Variants in ASTN1 observed in about 807,000 individuals in gnomAD.
ASTN1 encodes the protein astrotactin-1.
ASTN1 carries 41 observed loss-of-function variants against 140.7 expected under a neutral mutation model. The ratio of observed to expected loss-of-function variants is 0.29; its 90% CI spans 0.23 to 0.38. The LOEUF is 0.38. Ranked by LOEUF, ASTN1 falls within the 10% of genes least tolerant of loss-of-function variation. The probability of loss-of-function intolerance (pLI) is 1.00; values close to 1 mark genes in which losing one functional copy is unlikely to be tolerated. For synonymous variants in ASTN1, 640 were observed against 652.2 expected, an observed-to-expected ratio of 0.98 and a Z score of 0.29; for missense variants, 1,479 against 1,678.8, an observed-to-expected ratio of 0.88 and a Z score of 2.08.
At chr1:176,992,829 C>A (rs903776376) in intron 8 of ASTN1, among the ~76,000 whole-genome samples, 2 of 152,246 alleles carry the variant, frequency 1.3e-5, no homozygotes, top group African/African-American at 4.8e-5. Context: ...TTGAACAGTG[C>A]TGTGGGTTGA....
chr1:177,076,292 A>AAAAAAG (rs1553253135), intron 1 of ASTN1, among the ~76,000 whole-genome samples: 1 of 149,664 alleles, frequency 6.7e-6, no homozygotes, highest in African/African-American at 2.5e-5. Context: ...AAAAAAAAAA[A>AAAAAAG]AAAGAAAGAA....
intron 1 of ASTN1, among the ~76,000 whole-genome samples, chr1:177,138,511 G>A (rs1682303522): frequency 6.6e-6 from 1 of 152,124 alleles, no homozygotes; most frequent in Non-Finnish European, 1.5e-5. Context: ...AGAAAGGAGA[G>A]GCTGCTGACC....
chr1:176,931,934 T>G (rs1381498259), intron 16 of ASTN1, among the ~76,000 whole-genome samples: 1 of 152,200 alleles, frequency 6.6e-6, no homozygotes, highest in Non-Finnish European at 1.5e-5. Flanking sequence ...ATACATCCTA[T>G]GTAAAGGAAG....
chr1:176,983,214 T>C (rs916812252), intron 8 of ASTN1, among the ~76,000 whole-genome samples: 2 of 152,142 alleles, frequency 1.3e-5, no homozygotes, highest in African/African-American at 4.8e-5. Flanking sequence ...GGCAGAGGCC[T>C]GGGATGAGGC....
intron 1 of ASTN1, among the ~76,000 whole-genome samples, chr1:177,072,316 C>A (rs2102057433): frequency 6.6e-6 from 1 of 152,332 alleles, no homozygotes; most frequent in Admixed American, 6.5e-5. Context: ...ATATGGCAAT[C>A]TGATGTGATT....
At chr1:176,948,090 A>C (rs140622699) in intron 12 of ASTN1, among the ~76,000 whole-genome samples, 2 of 152,224 alleles carry the variant, frequency 1.3e-5, no homozygotes, top group East Asian at 1.9e-4. Flanking sequence ...ATAACATTAC[A>C]TGATTATTCA....
intron 11 of ASTN1, among the ~76,000 whole-genome samples, chr1:176,949,959 C>T (rs950593857): frequency 4.6e-5 from 7 of 152,182 alleles, no homozygotes; most frequent in African/African-American, 1.7e-4. Flanking sequence ...TTGGAAGACA[C>T]CTAAGACACA....
chr1:177,127,139 A>T (rs57898518), intron 1 of ASTN1, among the ~76,000 whole-genome samples: 33 of 143,010 alleles, frequency 2.3e-4, no homozygotes, highest in African/African-American at 4.3e-4. Flanking sequence ...ATGAAGTTTT[A>T]TTTTTTTTTA....
chr1:177,096,086 C>A (rs1571776221), intron 1 of ASTN1, among the ~76,000 whole-genome samples: 1 of 152,308 alleles, frequency 6.6e-6, no homozygotes, highest in South Asian at 2.1e-4. Flanking sequence ...TCTTCCCTAT[C>A]TATTTCTTTT....
intron 15 of ASTN1, among the ~76,000 whole-genome samples, chr1:176,935,823 G>C (rs1377615003): frequency 6.6e-6 from 1 of 151,350 alleles, no homozygotes; most frequent in African/African-American, 2.4e-5. Context: ...CTCACTTGCT[G>C]TTTAGGAGCG....
intron 7 of ASTN1, among the ~76,000 whole-genome samples, chr1:177,016,395 G>A (rs940829138): frequency 6.6e-6 from 1 of 152,062 alleles, no homozygotes; most frequent in Non-Finnish European, 1.5e-5. Context: ...TTCTACATGG[G>A]CTGGATCCAC....
chr1:177,105,007 GAGTTAAT>G (rs1428085305), intron 1 of ASTN1, among the ~76,000 whole-genome samples: 1 of 152,130 alleles, frequency 6.6e-6, no homozygotes, highest in Non-Finnish European at 1.5e-5. Context: ...CTGGCTCACA[GAGTTAAT>G]AGACAGCGTG....
At chr1:176,876,493 T>TG in intron 21 of ASTN1, 44 bp downstream of exon 21, 1 of 1,599,832 alleles carries the variant, frequency 6.3e-7, no homozygotes, top group Admixed American at 1.7e-5. Context: ...GGTGGGTACC[T>TG]GGGGCATCCC....
At chr1:176,892,000 A>G (rs1037290141) in intron 17 of ASTN1, among the ~76,000 whole-genome samples, 3 of 152,190 alleles carry the variant, frequency 2.0e-5, no homozygotes, top group Non-Finnish European at 4.4e-5. Context: ...AGTGGTAGAA[A>G]TGTGGGCAAG....
intron 1 of ASTN1, among the ~76,000 whole-genome samples, chr1:177,075,794 G>A (rs1293292560): frequency 6.6e-6 from 1 of 151,652 alleles, no homozygotes; most frequent in Admixed American, 6.6e-5. Flanking sequence ...CTACAGATGT[G>A]CACTGGTGAG....
At chr1:177,006,629 T>C (rs1044812340) in intron 8 of ASTN1, among the ~76,000 whole-genome samples, 1 of 152,200 alleles carries the variant, frequency 6.6e-6, no homozygotes, top group African/African-American at 2.4e-5. Flanking sequence ...TATCTTCCAT[T>C]CTTGAGCAGA....
chr1:177,030,228 T>C (rs548085671), intron 4 of ASTN1, among the ~76,000 whole-genome samples: 1 of 152,334 alleles, frequency 6.6e-6, no homozygotes, highest in African/African-American at 2.4e-5. Flanking sequence ...TCTAAATCCT[T>C]TAAATCAGAG....
At chr1:177,159,003 G>T (rs539834867) in intron 1 of ASTN1, among the ~76,000 whole-genome samples, 1 of 146,262 alleles carries the variant, frequency 6.8e-6, no homozygotes, top group East Asian at 2.0e-4. Flanking sequence ...AGAGGTGGAG[G>T]TTGCAGTGAC....
At chr1:176,914,736 G>C (rs1206916334) in intron 16 of ASTN1, among the ~76,000 whole-genome samples, 1 of 152,192 alleles carries the variant, frequency 6.6e-6, no homozygotes, top group East Asian at 1.9e-4. Context: ...TAGCCAAAAG[G>C]CTGTAACAAC....
Sources: gnomAD v4.1 joint callset for allele counts (sites outside exome capture counted in the v4.1 genomes callset) on GRCh38, gnomAD v4.1.1 for gene constraint, MANE v1.5 for transcripts, NCBI Gene and HGNC (gene_info 2026-07-23, HGNC 2026-07-21) for gene names.